The following ASTN2 variants were observed in gnomAD, a reference collection of about 807,000 sequenced individuals.
ASTN2 encodes the protein astrotactin-2.
Under a neutral mutation model 139.8 loss-of-function variants are expected in ASTN2, and 54 were observed. The ratio of observed to expected loss-of-function variants is 0.39; its 90% CI spans 0.31 to 0.48. ASTN2 has a LOEUF of 0.48. Ranked by LOEUF, ASTN2 falls within the 20% of genes least tolerant of loss-of-function variation. The probability of loss-of-function intolerance (pLI) is 0.95; values close to 1 mark genes in which losing one functional copy is unlikely to be tolerated. For synonymous variants in ASTN2, 756 were observed against 719.5 expected, an observed-to-expected ratio of 1.05 and a Z score of -0.81; for missense variants, 1,565 against 1,725.1, an observed-to-expected ratio of 0.91 and a Z score of 1.64.
At chr9:116,733,092 G>A (rs867548254) in intron 14 of ASTN2, among the ~76,000 whole-genome samples, 14 of 152,164 alleles carry the variant, frequency 9.2e-5, no homozygotes, top group African/African-American at 3.4e-4. Flanking sequence ...CAATGAGAAT[G>A]AAAAGTGTTT....
chr9:117,406,632 A>G (rs1387527160), intron 1 of ASTN2, among the ~76,000 whole-genome samples: 1 of 151,936 alleles, frequency 6.6e-6, no homozygotes, highest in Non-Finnish European at 1.5e-5. Flanking sequence ...TGCTTTTCCT[A>G]GATGCTGCTT....
intron 19 of ASTN2, among the ~76,000 whole-genome samples, chr9:116,530,268 C>T (rs865857054): frequency 6.7e-6 from 1 of 150,308 alleles, no homozygotes; most frequent in African/African-American, 2.4e-5. Flanking sequence ...AAATACCATA[C>T]GATCTCACTT....
intron 19 of ASTN2, among the ~76,000 whole-genome samples, chr9:116,511,983 T>G (rs902829776): frequency 2.0e-5 from 3 of 152,104 alleles, no homozygotes; most frequent in Non-Finnish European, 4.4e-5. Flanking sequence ...TTTTGAAGGG[T>G]TTTTCGTGTC....
At chr9:116,549,507 C>T (rs908605522) in intron 19 of ASTN2, among the ~76,000 whole-genome samples, 5 of 152,166 alleles carry the variant, frequency 3.3e-5, no homozygotes, top group South Asian at 2.1e-4. Flanking sequence ...TGCGTGGGGA[C>T]GGTCTGACTC....
At chr9:117,103,650 A>G (rs1829035347) in intron 4 of ASTN2, among the ~76,000 whole-genome samples, 1 of 152,106 alleles carries the variant, frequency 6.6e-6, no homozygotes, top group Non-Finnish European at 1.5e-5. Flanking sequence ...TGCTATCATG[A>G]TGGATGGTGG....
Position 116,424,255 on chromosome 9 carries a change from T to C in ASTN2, c.*1596A>G, listed in dbSNP as rs1025215718. Among the ~76,000 whole-genome samples the C allele has an allele frequency of 6.6e-6, 1 of 152,216 alleles. No individual in the cohort carries two copies. The highest frequency in any genetic ancestry group is 6.5e-5 in the Admixed American group (1 of 15,286). On this transcript the variant is annotated 3_prime_UTR_variant, in exon 23 of 23. Coordinates refer to ENST00000313400, the MANE Select transcript of ASTN2 (RefSeq NM_001365068.1). Reference sequence around the variant, plus strand: ...ATAAAGGGAGATTCCAGTGTTGGTATGTCACCCCCTAAGCTATCATCACCT... The same window carrying C: ...ATAAAGGGAGATTCCAGTGTTGGTACGTCACCCCCTAAGCTATCATCACCT...
At chr9:117,294,681 C>T (rs1337706471) in intron 1 of ASTN2, among the ~76,000 whole-genome samples, 1 of 152,202 alleles carries the variant, frequency 6.6e-6, no homozygotes, top group Non-Finnish European at 1.5e-5. Context: ...ACTGTCCATA[C>T]ACATACACAC....
At chr9:116,494,201 C>T (rs926679579) in intron 19 of ASTN2, among the ~76,000 whole-genome samples, 2 of 151,978 alleles carry the variant, frequency 1.3e-5, no homozygotes, top group Non-Finnish European at 2.9e-5. Context: ...GCAGATGACA[C>T]CTAGTTTTGA....
chr9:116,888,672 G>A (rs1041200382), intron 10 of ASTN2, among the ~76,000 whole-genome samples: 32 of 150,878 alleles, frequency 2.1e-4, no homozygotes, highest in African/African-American at 6.6e-4. Context: ...ACAGGCACGC[G>A]CCACCACACC....
Position 117,040,434 on chromosome 9 carries a change from T to C in ASTN2, c.1277-469A>G, listed in dbSNP as rs149197429. Among the ~76,000 whole-genome samples the C allele has an allele frequency of 9.8e-5, 15 of 152,288 alleles. No homozygotes were observed. In the East Asian group the frequency reaches 2.1e-3, roughly 22 times the overall value. On this transcript the variant is annotated intron_variant, in intron 5 of 22. Transcript: ENST00000313400. ...GCCCTCATTGGCTCTGTGATCTCCA[T>C]TTTCCAAACCTCAGTTTCTTTCTTT...
At chr9:116,806,766 A>G (rs189728515) in intron 12 of ASTN2, among the ~76,000 whole-genome samples, 1 of 152,200 alleles carries the variant, frequency 6.6e-6, no homozygotes, top group South Asian at 2.1e-4. Context: ...GTAGGATGCT[A>G]TAAGGTCACA....
Position 116,753,789 on chromosome 9 carries a change from C to CT in ASTN2, c.2397-20267dup, listed in dbSNP as rs1295061529. Among the ~76,000 whole-genome samples the CT allele has an allele frequency of 1.6e-3, 230 of 142,836 alleles. 1 individual carries two copies. Among genetic ancestry groups the CT allele is most frequent in the African/African-American group, 6.0e-3 (211 of 35,310 alleles). The allele number at this position is 142,836 out of a possible 152,430, so 93.7% of individuals were successfully genotyped here. On this transcript the variant is annotated intron_variant, in intron 13 of 22. Coordinates refer to ENST00000313400, the MANE Select transcript of ASTN2 (RefSeq NM_001365068.1). ...CATCTCTAGGCAATCTGATGTCCAC[C>CT]TTTTTTTTTTATTATTATACTTTAA... is the stretch of plus-strand genomic sequence containing the variant.
chr9:117,020,598 C>T (rs10115640), intron 6 of ASTN2, among the ~76,000 whole-genome samples: 109,582 of 151,916 alleles, frequency 0.72, 39,821 homozygotes, highest in Middle Eastern at 0.82. Context: ...GCCTGCTACA[C>T]GCATCTCTTT....
intron 19 of ASTN2, among the ~76,000 whole-genome samples, chr9:116,490,206 A>G (rs1331058563): frequency 1.3e-5 from 2 of 149,740 alleles, no homozygotes; most frequent in Non-Finnish European, 3.0e-5. Context: ...TAGTACAACC[A>G]GAAACTAACA....
chr9:116,586,202 T>C (rs1160792415), intron 19 of ASTN2: 4 of 152,210 alleles, frequency 2.6e-5, no homozygotes, highest in Admixed American at 6.5e-5. Context: ...TTGGTGAGAA[T>C]GTAAATTGGT....
chr9:116,616,498 C>G (rs1046774444), intron 19 of ASTN2, among the ~76,000 whole-genome samples: 2 of 152,204 alleles, frequency 1.3e-5, no homozygotes, highest in African/African-American at 4.8e-5. Context: ...GTTACAAAGC[C>G]TGGCTCTGTC....
At chr9:117,381,052 C>G (rs895954550) in intron 1 of ASTN2, among the ~76,000 whole-genome samples, 2 of 152,122 alleles carry the variant, frequency 1.3e-5, no homozygotes, top group Non-Finnish European at 2.9e-5. Context: ...TCTATCCATA[C>G]AGTTGATAAA....
chr9:117,043,223 T>A lies in ASTN2; in HGVS notation c.1277-3258A>T, dbSNP rs191562197. ...TGGAGTCTATTCTGGGGGAAAAATA[T>A]GTAATGATAAGTCTAGCATGAATAA... is the stretch of plus-strand genomic sequence containing the variant. On this transcript the variant is annotated intron_variant, in intron 5 of 22. Coordinates refer to ENST00000313400, the MANE Select transcript of ASTN2 (RefSeq NM_001365068.1). Among the ~76,000 whole-genome samples, 822 of 152,140 alleles carry A rather than the reference T, an allele frequency of 5.4e-3. 7 individuals are homozygous for A. Among genetic ancestry groups the A allele is most frequent in the African/African-American group, 0.019 (788 of 41,500 alleles).
intron 13 of ASTN2, among the ~76,000 whole-genome samples, chr9:116,739,815 A>G (rs919109458): frequency 6.6e-6 from 1 of 152,228 alleles, no homozygotes; most frequent in African/African-American, 2.4e-5. Context: ...TAGGTGCACC[A>G]TGAGCATTTG....
Sources: gnomAD v4.1 joint callset for allele counts (sites outside exome capture counted in the v4.1 genomes callset) on GRCh38, gnomAD v4.1.1 for gene constraint, MANE v1.5 for transcripts, NCBI Gene and HGNC (gene_info 2026-07-23, HGNC 2026-07-21) for gene names.